The following R3HDM1 variants were observed in gnomAD, a reference collection of about 807,000 sequenced individuals.
The protein encoded by R3HDM1 is R3H domain containing 1, also known as R3H domain-containing protein 1.
A neutral mutation model predicts 141.1 loss-of-function variants in R3HDM1; 46 were observed. The observed-to-expected ratio is 0.33, with a 90% CI of 0.26 to 0.42. The LOEUF (loss-of-function observed/expected upper bound fraction) is 0.42. R3HDM1 is among the 10% of genes least tolerant of loss of function. R3HDM1 has a pLI of 1.00. For synonymous variants in R3HDM1, 435 were observed against 472.9 expected (o/e 0.92, Z 1.04); for missense variants, 1,184 against 1,368.3 (o/e 0.87, Z 2.12).
At chr2:135,600,965 G>A (rs1462456306) in intron 1 of R3HDM1, among the ~76,000 whole-genome samples, 1 of 152,026 alleles carries the variant, frequency 6.6e-6, no homozygotes, top group Non-Finnish European at 1.5e-5. Flanking sequence ...TGCAGCTATT[G>A]CCTTATCTAG....
intron 1 of R3HDM1, among the ~76,000 whole-genome samples, chr2:135,570,302 G>A (rs539936229): frequency 6.6e-6 from 1 of 152,286 alleles, no homozygotes; most frequent in South Asian, 2.1e-4. Context: ...GTCATGTAGG[G>A]TAGTAAAGTA....
chr2:135,607,473 C>T (rs1368904176), intron 3 of R3HDM1, among the ~76,000 whole-genome samples: 2 of 152,018 alleles, frequency 1.3e-5, no homozygotes, highest in Non-Finnish European at 2.9e-5. Context: ...ACATTTTTTT[C>T]CCAGTCATTT....
intron 1 of R3HDM1, among the ~76,000 whole-genome samples, chr2:135,544,174 C>G (rs756201312): frequency 3.3e-5 from 5 of 152,122 alleles, no homozygotes; most frequent in Non-Finnish European, 7.3e-5. Context: ...ATTTGTCGAC[C>G]TCTCGCTATA....
At chr2:135,616,222 T>TGCCAA (rs1352687319) in intron 4 of R3HDM1, 29 bp downstream of exon 4, 3 of 1,588,408 alleles carry the variant, frequency 1.9e-6, no homozygotes, top group African/African-American at 1.3e-5. Flanking sequence ...TGTGCTGGCA[T>TGCCAA]GCCAAGGGCC....
At chr2:135,554,239 T>C (rs1245935533) in intron 1 of R3HDM1, among the ~76,000 whole-genome samples, 1 of 152,252 alleles carries the variant, frequency 6.6e-6, no homozygotes, top group Non-Finnish European at 1.5e-5. Flanking sequence ...TTGCCTATTC[T>C]GGACATTTCA....
chr2:135,538,487 T>A (rs1352134746), intron 1 of R3HDM1, among the ~76,000 whole-genome samples: 5 of 152,242 alleles, frequency 3.3e-5, no homozygotes, highest in East Asian at 1.9e-4. Flanking sequence ...TTATGAATTT[T>A]AAAAAATTTT....
intron 1 of R3HDM1, among the ~76,000 whole-genome samples, chr2:135,592,203 A>G (rs1157093683): frequency 6.6e-6 from 1 of 152,224 alleles, no homozygotes; most frequent in Non-Finnish European, 1.5e-5. Context: ...TAGTAACCTC[A>G]TTAGCATACA....
intron 1 of R3HDM1, among the ~76,000 whole-genome samples, chr2:135,556,885 C>T (rs1700882881): frequency 6.6e-6 from 1 of 152,174 alleles, no homozygotes; most frequent in Non-Finnish European, 1.5e-5. Flanking sequence ...TAAAATTCCT[C>T]TGCTTAGATT....
rs373131369 is a variant in R3HDM1 at position 135,614,807 on chromosome 2, TTCTC to T, written c.172-1339_172-1336del. ...TTTTCATAGTATTCACCTGTTGCTTTTCTCTCTCTTTTTTTTTTCCTGTAATCCC... is the reference window on the plus strand; with the variant it reads ...TTTTCATAGTATTCACCTGTTGCTTTTCTCTTTTTTTTTTCCTGTAATCCC... On this transcript the variant is annotated intron_variant, in intron 3 of 26. Transcript: ENST00000683871. Among the ~76,000 whole-genome samples the T allele has an allele frequency of 7.3e-5, 11 of 151,540 alleles. No homozygotes were observed. The East Asian group carries it at 1.5e-3, about 21-fold the overall frequency.
intron 3 of R3HDM1, chr2:135,606,417 A>G (rs148559979): frequency 7.2e-5 from 11 of 152,206 alleles, no homozygotes; most frequent in South Asian, 2.1e-4. Context: ...ATTAGACCCT[A>G]CCTCTCAGTA....
chr2:135,693,814 C>A (rs1042675090), intron 21 of R3HDM1, among the ~76,000 whole-genome samples: 3 of 152,042 alleles, frequency 2.0e-5, no homozygotes, highest in Non-Finnish European at 1.5e-5. Flanking sequence ...TCAAGACCAG[C>A]CTGGCCAACA....
In R3HDM1 at chr2:135,641,589, C is replaced by T; in HGVS notation, c.1273C>T (p.Gln425Ter). The change falls in exon 15 of 27, where the codon CAG (glutamine) becomes TAG (stop). Residue 425 changes from glutamine to a stop codon, truncating the protein, a stop_gained. Coordinates refer to ENST00000683871, the MANE Select transcript of R3HDM1 (RefSeq NM_001378107.1). LOFTEE classifies it high-confidence loss of function. ...ATCTACAGGCTCTCTTTCTCACATC[C>T]AGCAGCCTCTTCCAGGTACAGCTCT... ...GSSTGSLSHIQQPLPGTALSQ... is the reference protein window; with the variant it reads ...GSSTGSLSHI The T allele has an allele frequency of 6.2e-7, 1 of 1,614,052 alleles. No homozygotes were observed. Among genetic ancestry groups the T allele is most frequent in the Non-Finnish European group, 8.5e-7 (1 of 1,179,962 alleles).
chr2:135,709,204 G>C lies in R3HDM1; in HGVS notation c.2460-229G>C, dbSNP rs538682468. 1.8e-3 allele frequency among the ~76,000 whole-genome samples: 273 copies of C among 152,168 alleles called. 2 individuals carry two copies. In the Middle Eastern group the frequency reaches 0.02, roughly 11 times the overall value. On this transcript the variant is annotated intron_variant, in intron 21 of 26. Coordinates refer to ENST00000683871, the MANE Select transcript of R3HDM1 (RefSeq NM_001378107.1). ...TTCTCCTGCCTCAGCCTCCTGAATA[G>C]CTGGGACTACAGGCACCTGCCACCA...
chr2:135,566,687 G>T (rs1702854320), intron 1 of R3HDM1: 1 of 948,086 alleles, frequency 1.1e-6, no homozygotes, highest in Non-Finnish European at 1.3e-6. Flanking sequence ...AGGCTGTTTG[G>T]TGAGCAAGAG....
intron 19 of R3HDM1, among the ~76,000 whole-genome samples, chr2:135,663,279 T>C (rs2066997138): frequency 6.6e-6 from 1 of 152,176 alleles, no homozygotes; most frequent in African/African-American, 2.4e-5. Flanking sequence ...ATGCTAGTTA[T>C]GATGAGAAGG....
Position 135,724,561 on chromosome 2 carries a change from A to G in R3HDM1, c.*269A>G. On this transcript the variant is annotated 3_prime_UTR_variant, in exon 27 of 27. Coordinates refer to ENST00000683871, the MANE Select transcript of R3HDM1 (RefSeq NM_001378107.1). ...CAAATGCCTCCTAACTTTTATAGTT[A>G]TTTTGTTTTATATTTCTAAATTCTT... 1 of 323,266 alleles carries G rather than the reference A, an allele frequency of 3.1e-6. No homozygotes were observed. Among genetic ancestry groups the G allele is most frequent in the Non-Finnish European group, 5.6e-6 (1 of 178,462 alleles). The allele number at this position is 323,266 out of a possible 1,614,324, so 20.0% of individuals were successfully genotyped here. A position where few individuals can be genotyped will look rare whatever the true frequency, so the allele number is the denominator to read the frequency against.
chr2:135,708,776 A>G (rs569939552), intron 21 of R3HDM1, among the ~76,000 whole-genome samples: 6 of 152,130 alleles, frequency 3.9e-5, no homozygotes, highest in African/African-American at 1.4e-4. Flanking sequence ...CCTGGCCAAA[A>G]TGGCAAAACC....
At chr2:135,689,071 C>T (rs1051217007) in intron 21 of R3HDM1, among the ~76,000 whole-genome samples, 17 of 152,222 alleles carry the variant, frequency 1.1e-4, no homozygotes, top group African/African-American at 3.6e-4. Context: ...TATATATCTT[C>T]ATTTAATTGG....
In R3HDM1 at chr2:135,546,716, C is replaced by T. The variant is rs572401585; in HGVS notation, c.-250+15083C>T. ...TTTGACCACAGAAAAGAAATGGTTA[C>T]GCTGGAGTGCAGTGTCACTATCTTG... On this transcript the variant is annotated intron_variant, in intron 1 of 26. Transcript: ENST00000683871. Among the ~76,000 whole-genome samples the T allele has an allele frequency of 2.5e-4, 38 of 152,152 alleles. No individual in the cohort carries two copies. In the South Asian group the frequency reaches 6.0e-3, roughly 24 times the overall value.
Sources: allele counts gnomAD v4.1 joint callset (sites outside exome capture counted in the v4.1 genomes callset), GRCh38; gene constraint gnomAD v4.1.1; transcripts MANE v1.5; gene names NCBI Gene and HGNC (gene_info 2026-07-23, HGNC 2026-07-21).